DMD: variants seen among roughly 807,000 people sequenced by gnomAD.
DMD encodes the protein mutant dystrophin.
In DMD, 63 loss-of-function variants were observed where a neutral mutation model predicts 330.1. The observed-to-expected ratio is 0.19, with a 90% CI of 0.16 to 0.24. The LOEUF (loss-of-function observed/expected upper bound fraction) is 0.24, where lower values mean the gene tolerates loss of function less well. Among genes scored for constraint, DMD ranks in the 10% least tolerant of loss-of-function variants. The probability of loss-of-function intolerance (pLI) is 1.00; values close to 1 mark genes in which losing one functional copy is unlikely to be tolerated. For synonymous variants in DMD, 1,223 were observed against 959.8 expected, an observed-to-expected ratio of 1.27 and a Z score of -5.07; for missense variants, 3,344 against 2,684.1, an observed-to-expected ratio of 1.25 and a Z score of -5.43.
At position 31,430,793 on chromosome X, in the gene DMD, C is replaced by CTT. The variant is rs565087970; in HGVS notation, c.9084+13686_9084+13687dup. 5.2e-3 allele frequency among the ~76,000 whole-genome samples: 250 copies of CTT among 48,339 alleles called. 29 individuals carry two copies. Among genetic ancestry groups the CTT allele is most frequent in the African/African-American group, 0.017 (177 of 10,709 alleles). The allele number at this position is 48,339 out of a possible 115,157, so 42.0% of individuals were successfully genotyped here. A position where few individuals can be genotyped will look rare whatever the true frequency, so the allele number is the denominator to read the frequency against. On this transcript the variant is annotated intron_variant, in intron 60 of 78. Coordinates refer to ENST00000357033, the MANE Select transcript of DMD (RefSeq NM_004006.3). The stretch of plus-strand genomic sequence containing the variant: ...TGACTTGTTTGAAGCAAGTTAAGGT[C>CTT]TTTTTTTTTTTTTTTTTTTTTTTTT...
chrX:32,573,063 G>A (rs1171563843), intron 15 of DMD, among the ~76,000 whole-genome samples: 1 of 111,418 alleles, frequency 9.0e-6, no homozygotes, highest in Non-Finnish European at 1.9e-5. Flanking sequence ...GCAGAACCAT[G>A]AGCCAGTTAA....
chrX:32,248,802 T>C lies in DMD; in HGVS notation c.6291-31739A>G, dbSNP rs185612767. 2.0e-3 allele frequency among the ~76,000 whole-genome samples: 217 copies of C among 111,274 alleles called. 5 individuals are homozygous for C. The East Asian group carries it at 0.051, about 26-fold the overall frequency. The stretch of plus-strand genomic sequence containing the variant: ...ATGGATAATTACAACCTTGTTTTTC[T>C]AGAATTATCAGGATTTTAAACATGA... On this transcript the variant is annotated intron_variant, in intron 43 of 78. Coordinates refer to ENST00000357033, the MANE Select transcript of DMD (RefSeq NM_004006.3).
chrX:31,266,537 G>A (rs1022613384), intron 62 of DMD, among the ~76,000 whole-genome samples: 1 of 112,376 alleles, frequency 8.9e-6, no homozygotes, highest in Non-Finnish European at 1.9e-5. Flanking sequence ...CTCTGGGGAC[G>A]GGGAGAAATC....
chrX:33,129,684 G>A (rs1188742212), intron 1 of DMD, among the ~76,000 whole-genome samples: 1 of 109,888 alleles, frequency 9.1e-6, no homozygotes, highest in Non-Finnish European at 1.9e-5. Context: ...GAGAACAGGA[G>A]GTGTTGGTGG....
chrX:32,328,137 C>T (rs1470264775), intron 41 of DMD, among the ~76,000 whole-genome samples: 3 of 111,054 alleles, frequency 2.7e-5, no homozygotes, highest in South Asian at 3.7e-4. Context: ...ATAACATTAA[C>T]GCATTTTGTT....
chrX:32,351,616 G>A (rs2097782116), intron 37 of DMD, among the ~76,000 whole-genome samples: 1 of 108,836 alleles, frequency 9.2e-6, no homozygotes, highest in Non-Finnish European at 1.9e-5. Context: ...GTCATTTCTG[G>A]TACATAGTAA....
intron 50 of DMD, among the ~76,000 whole-genome samples, chrX:31,806,397 G>A (rs1338463722): frequency 8.9e-6 from 1 of 111,854 alleles, no homozygotes; most frequent in Non-Finnish European, 1.9e-5. Context: ...TTCCTCAACT[G>A]CGGGAATTTA....
chrX:32,569,837 G>T (rs186388112), intron 15 of DMD, among the ~76,000 whole-genome samples: 67 of 110,850 alleles, frequency 6.0e-4, no homozygotes, highest in South Asian at 1.5e-3. Flanking sequence ...AACGCCAACA[G>T]TCCCCACAGC....
In DMD at chrX:32,048,280, C is replaced by T. The variant is rs1356578101; in HGVS notation, c.6439-79766G>A. ...CCAAGATTGCAAAGCAAACTAAATG[C>T]ATGAACAAGGATTTGAACTGTGTTT... On this transcript the variant is annotated intron_variant, in intron 44 of 78. Transcript: ENST00000357033. Among the ~76,000 whole-genome samples the T allele has an allele frequency of 4.3e-4, 45 of 104,914 alleles. No individual in the cohort carries two copies. In the Admixed American group the frequency reaches 4.8e-3, roughly 11 times the overall value. 91.1% of individuals were successfully genotyped at this position (104,914 alleles called of 115,157 possible).
intron 1 of DMD, among the ~76,000 whole-genome samples, chrX:33,153,134 G>A (rs143659378): frequency 8.9e-6 from 1 of 112,897 alleles, no homozygotes; most frequent in Non-Finnish European, 1.9e-5. Flanking sequence ...AACTAGGCAG[G>A]GGGCGTTGGC....
At chrX:32,299,519 T>TTC (rs1261700247) in intron 42 of DMD, among the ~76,000 whole-genome samples, 7 of 109,854 alleles carry the variant, frequency 6.4e-5, no homozygotes, top group African/African-American at 2.3e-4. Context: ...GATACAATTT[T>TTC]TTTTTTTTTT....
At chrX:31,924,549 G>T (rs1383068108) in intron 47 of DMD, among the ~76,000 whole-genome samples, 1 of 111,864 alleles carries the variant, frequency 8.9e-6, no homozygotes, top group Non-Finnish European at 1.9e-5. Context: ...GATAGTTTGT[G>T]CTAGGAGTTG....
intron 9 of DMD, among the ~76,000 whole-genome samples, chrX:32,661,337 T>C (rs2060929970): frequency 9.0e-6 from 1 of 110,598 alleles, no homozygotes; most frequent in Non-Finnish European, 1.9e-5. Flanking sequence ...CTCCACTAAA[T>C]CATCTAATTT....
At chrX:32,092,515 T>C (rs2096481630) in intron 44 of DMD, among the ~76,000 whole-genome samples, 1 of 111,353 alleles carries the variant, frequency 9.0e-6, no homozygotes, top group African/African-American at 3.3e-5. Context: ...TTTTAAATAG[T>C]GCAGGGGCTG....
chrX:32,457,270 A>G (rs1288596751), intron 25 of DMD, among the ~76,000 whole-genome samples: 3 of 111,012 alleles, frequency 2.7e-5, no homozygotes, highest in African/African-American at 9.8e-5. Flanking sequence ...TAGAATAGTG[A>G]GGATAACAGT....
chrX:32,334,485 G>T (rs1402696412), intron 41 of DMD, among the ~76,000 whole-genome samples: 2 of 111,526 alleles, frequency 1.8e-5, no homozygotes, highest in Non-Finnish European at 3.8e-5. Flanking sequence ...AAAATGAGTT[G>T]CTTTTATTAC....
At chrX:32,352,404 C>T (rs146381544) in intron 37 of DMD, among the ~76,000 whole-genome samples, 1,716 of 110,692 alleles carry the variant, frequency 0.016, 25 homozygotes, top group African/African-American at 0.051. Flanking sequence ...ATTAATTTTA[C>T]TGATTTCACT....
chrX:31,298,404 C>CACAT (rs1556458589), intron 62 of DMD, among the ~76,000 whole-genome samples: 17 of 100,482 alleles, frequency 1.7e-4, no homozygotes, highest in East Asian at 1.3e-3. Flanking sequence ...CACACACACA[C>CACAT]ACACATACAC....
intron 1 of DMD, among the ~76,000 whole-genome samples, chrX:33,158,425 G>T (rs2048609244): frequency 9.0e-6 from 1 of 110,981 alleles, no homozygotes; most frequent in Non-Finnish European, 1.9e-5. Flanking sequence ...TCTCTGCCTT[G>T]CATTGTCTAT....
Sources: gnomAD v4.1 joint callset for allele counts (sites outside exome capture counted in the v4.1 genomes callset) on GRCh38, gnomAD v4.1.1 for gene constraint, MANE v1.5 for transcripts, NCBI Gene and HGNC (gene_info 2026-07-23, HGNC 2026-07-21) for gene names.